Variants in TBCD observed in about 807,000 individuals in gnomAD.
TBCD encodes tubulin-specific chaperone D.
In TBCD, 105 loss-of-function variants were observed where a neutral mutation model predicts 169.3. The ratio of observed to expected loss-of-function variants is 0.62; its 90% CI spans 0.53 to 0.73. The LOEUF is 0.73. Among genes scored for constraint, TBCD ranks in the 30% least tolerant of loss-of-function variants. TBCD has a pLI of 0.00. For synonymous variants in TBCD, 700 were observed against 643.9 expected (o/e 1.09, Z -1.32); for missense variants, 1,444 against 1,600.1 (o/e 0.90, Z 1.66).
intron 13 of TBCD, chr17:82,865,458 C>T (rs2057101737): frequency 1.0e-6 from 1 of 985,304 alleles, no homozygotes; most frequent in African/African-American, 1.7e-5. Context: ...CTGCCCACAG[C>T]CACCCTCTCT....
At chr17:82,921,190 CG>C in intron 24 of TBCD, 2 of 443,602 alleles carry the variant, frequency 4.5e-6, no homozygotes, top group Non-Finnish European at 4.1e-6. Context: ...TGGTGGGAGC[CG>C]GGGGAGACCG....
At chr17:82,850,342 G>GCTCTTGTTGGCTGTC (rs2055655402) in intron 13 of TBCD, among the ~76,000 whole-genome samples, 1 of 101,098 alleles carries the variant, frequency 9.9e-6, no homozygotes, top group Admixed American at 1.0e-4. Context: ...TGTTGGCTGT[G>GCTCTTGTTGGCTGTC]CTGTTGTTGG....
At chr17:82,826,040 C>T (rs2052814323) in intron 13 of TBCD, among the ~76,000 whole-genome samples, 1 of 152,220 alleles carries the variant, frequency 6.6e-6, no homozygotes, top group South Asian at 2.1e-4. Context: ...CCCATATTTC[C>T]ATTTACTTTT....
At chr17:82,933,271 G>GCCTTTTT (rs1307513773) in intron 34 of TBCD, among the ~76,000 whole-genome samples, 1 of 81,620 alleles carries the variant, frequency 1.2e-5, no homozygotes. Flanking sequence ...TGTTGGGCCA[G>GCCTTTTT]TCTTTTTTTT....
At position 82,889,989 on chromosome 17, in the gene TBCD, C is replaced by A. The variant is rs1567967568; in HGVS notation, c.1563+292C>A. On this transcript the variant is annotated intron_variant, in intron 16 of 38. Coordinates refer to ENST00000355528, the MANE Select transcript of TBCD (RefSeq NM_005993.5). This position sits in a 1 kb window ranked among gnomAD's most constrained non-coding sequence, Gnocchi z 5.3. ...GGTGGGGCGGGTCCCTGGGACCAGC[C>A]TGGCCTTGCGGGGACGCAGACCTGA... Among the ~76,000 whole-genome samples the A allele has an allele frequency of 6.6e-6, 1 of 152,204 alleles. No individual in the cohort carries two copies.
chr17:82,791,303 G>T (rs1362240645), intron 7 of TBCD, among the ~76,000 whole-genome samples: 4 of 152,118 alleles, frequency 2.6e-5, no homozygotes, highest in Non-Finnish European at 4.4e-5. Context: ...GTGTTAGCCA[G>T]GATGGTCTCG....
At chr17:82,778,921 C>G (rs1455451396) in intron 6 of TBCD, among the ~76,000 whole-genome samples, 1 of 152,210 alleles carries the variant, frequency 6.6e-6, no homozygotes, top group Non-Finnish European at 1.5e-5. Flanking sequence ...CTTGACCTCC[C>G]AAAGTGTTGG....
chr17:82,877,378 C>CA (rs1265381664), intron 14 of TBCD, among the ~76,000 whole-genome samples: 1 of 152,030 alleles, frequency 6.6e-6, no homozygotes, highest in East Asian at 1.9e-4. Flanking sequence ...CGGAGTCTTC[C>CA]TCTGTCGCCC....
At chr17:82,814,372 G>A (rs2051690892) in intron 12 of TBCD, among the ~76,000 whole-genome samples, 1 of 152,170 alleles carries the variant, frequency 6.6e-6, no homozygotes, top group Admixed American at 6.5e-5. Flanking sequence ...ACCCCACCTG[G>A]GACGGCACAG....
Position 82,937,829 on chromosome 17 carries a change from G to A in TBCD, c.3282-220G>A, listed in dbSNP as rs1326118382. 22 of 1,472,580 alleles carry A rather than the reference G, an allele frequency of 1.5e-5. 1 individual carries two copies. The highest frequency in any genetic ancestry group is 3.5e-4 in the Middle Eastern group (2 of 5,730). 91.2% of individuals were successfully genotyped at this position (1,472,580 alleles called of 1,614,324 possible). The stretch of plus-strand genomic sequence containing the variant: ...CCCTGCAGGAGATCCTCTGTGAGGC[G>A]TCCTCACTTCCCACAGTGACTTTCC... On this transcript the variant is annotated intron_variant, in intron 35 of 38. Transcript: ENST00000355528.
chr17:82,878,998 A>C (rs1010924937), intron 14 of TBCD, among the ~76,000 whole-genome samples: 2 of 150,844 alleles, frequency 1.3e-5, no homozygotes, highest in African/African-American at 4.9e-5. Context: ...AATGTTGCTC[A>C]AATTGCTCCA....
intron 26 of TBCD, among the ~76,000 whole-genome samples, chr17:82,924,073 C>T (rs747100056): frequency 6.6e-6 from 1 of 152,194 alleles, no homozygotes; most frequent in Non-Finnish European, 1.5e-5. Flanking sequence ...TGTGCCTCAG[C>T]CTCCTGAGTA....
chr17:82,792,075 C>T (rs1445014380), intron 7 of TBCD, among the ~76,000 whole-genome samples: 2 of 152,112 alleles, frequency 1.3e-5, no homozygotes, highest in Admixed American at 6.5e-5. Context: ...TTTGGGAGGC[C>T]GAGGCGGGTG....
chr17:82,894,235 G>T (rs1054605876), intron 17 of TBCD, among the ~76,000 whole-genome samples: 1 of 150,832 alleles, frequency 6.6e-6, no homozygotes, highest in African/African-American at 2.5e-5. Context: ...AACTGTTTTA[G>T]TTGTGTAATT....
chr17:82,844,653 C>T (rs2054848113), intron 13 of TBCD, among the ~76,000 whole-genome samples: 2 of 152,160 alleles, frequency 1.3e-5, no homozygotes, highest in Non-Finnish European at 2.9e-5. Context: ...CCTGCCCTTC[C>T]TCTTCTACCC....
chr17:82,840,958 T>TTTTTTGTTG (rs2054455248), intron 13 of TBCD, among the ~76,000 whole-genome samples: 2 of 71,384 alleles, frequency 2.8e-5, no homozygotes, highest in African/African-American at 1.2e-4. Context: ...AAACTGGTTT[T>TTTTTTGTTG]TTTTTTTTTT....
At position 82,920,730 on chromosome 17, in the gene TBCD, C is replaced by A; in HGVS notation, c.2101+112C>A. ...GATAAACGATTATAGCTTAAAGGTT[C>A]AAGATATTAATCGGATACGTTGCCT... is the stretch of plus-strand genomic sequence containing the variant. On this transcript the variant is annotated intron_variant, in intron 24 of 38. Transcript: ENST00000355528. The surrounding 1 kb of genome is among the most constrained non-coding windows in gnomAD (Gnocchi z 4.1). The A allele has an allele frequency of 2.0e-6, 2 of 983,522 alleles. No homozygotes were observed. Among genetic ancestry groups the A allele is most frequent in the Non-Finnish European group, 3.0e-6 (2 of 664,576 alleles). 60.9% of individuals were successfully genotyped at this position (983,522 alleles called of 1,614,324 possible).
rs1170810501 is a variant in TBCD at position 82,807,957 on chromosome 17, G to GC, written c.1148+295dup. ...TGCTTTTCCACATCCTCATCACTGT[G>GC]CCCCCCACCTATCGTTCCCCACAGA... On this transcript the variant is annotated intron_variant, in intron 11 of 38. Coordinates refer to ENST00000355528, the MANE Select transcript of TBCD (RefSeq NM_005993.5). 1.1e-4 allele frequency among the ~76,000 whole-genome samples: 17 copies of GC among 152,278 alleles called. No homozygotes were observed. In the South Asian group the frequency reaches 1.2e-3, roughly 11 times the overall value.
chr17:82,866,985 G>A (rs1305552901), intron 13 of TBCD, among the ~76,000 whole-genome samples: 1 of 152,262 alleles, frequency 6.6e-6, no homozygotes, highest in Non-Finnish European at 1.5e-5. Flanking sequence ...TGTGTGTGTT[G>A]GCCCAGATGC....
Sources: allele counts gnomAD v4.1 joint callset (sites outside exome capture counted in the v4.1 genomes callset), GRCh38; gene constraint gnomAD v4.1.1; non-coding constraint Gnocchi (gnomAD v3.1); transcripts MANE v1.5; gene names NCBI Gene and HGNC (gene_info 2026-07-23, HGNC 2026-07-21).